The following TEX13B variants were observed in gnomAD, a reference collection of about 807,000 sequenced individuals.
The protein encoded by TEX13B is testis expressed 13B.
In TEX13B, 5 loss-of-function variants were observed where a neutral mutation model predicts 11.2. The observed-to-expected ratio is 0.44, with a 90% CI of 0.23 to 0.93. TEX13B has a LOEUF of 0.93. Among genes scored for constraint, TEX13B ranks in the 40% least tolerant of loss-of-function variants. TEX13B has a pLI of 0.23. For synonymous variants in TEX13B, 115 were observed against 100.9 expected (o/e 1.14, Z -0.84); for missense variants, 213 against 244.2 (o/e 0.87, Z 0.85).
At chrX:107,981,599 C>T (rs1569476313) in intron 2 of TEX13B, 40 bp from the exon 3 acceptor site, 1 of 1,201,311 alleles carries the variant, frequency 8.3e-7, no homozygotes, top group Non-Finnish European at 1.1e-6. Context: ...ATTCTGGGGA[C>T]AGGGCAGGGG....
Position 107,981,342 on chromosome X carries a change from C to T in TEX13B, c.677G>A (p.Gly226Glu), listed in dbSNP as rs148750911. The change falls in exon 3 of 3, where the codon GGA becomes GAA. Residue 226 changes from glycine (G) to glutamate (E), a missense_variant. Physicochemically the swap from Gly to Glu is moderately conservative, Grantham distance 98. Transcript: ENST00000302917. ...GTGTAATTTGCCTGCTACAATAGCT[C>T]CGAGGGGCTGCCTGAAGCCTCCTCC... ...GLGGGFRQPL[G>E]AIVAGKLHLC... 45 of 1,210,197 alleles carry T rather than the reference C, an allele frequency of 3.7e-5. No homozygotes were observed. In the African/African-American group the frequency reaches 5.4e-4, roughly 15 times the overall value.
intron 1 of TEX13B, 62 bp downstream of exon 1, chrX:107,982,248 A>C: frequency 4.2e-6 from 3 of 706,755 alleles, no homozygotes; most frequent in Non-Finnish European, 5.9e-6. Context: ...CTCTGACAAG[A>C]CCCTCCTAAT....
rs1215277166 is a variant in TEX13B, at chrX:107,982,041, C to T, written c.87G>A (p.Thr29=). Reference sequence around the variant, plus strand: ...TCTCGAAGTAGAACTCGGGGCCTTTCGTGTGCCTGGCCATTTTCTCGATGA... The same window carrying T: ...TCTCGAAGTAGAACTCGGGGCCTTTTGTGTGCCTGGCCATTTTCTCGATGA... ...AFIIEKMARH[T]KGPEFYFENI... is the part of the protein sequence containing the mutation. Residue 29 remains threonine, a synonymous_variant, in exon 2 of 3, where the codon ACG becomes ACA. Coordinates refer to ENST00000302917, the MANE Select transcript of TEX13B (RefSeq NM_031273.2). 1.7e-6 allele frequency: 2 copies of T among 1,211,567 alleles called. No homozygotes were observed. The highest frequency in any genetic ancestry group is 3.5e-5 in the South Asian group (2 of 56,972).
rs762862289 is a variant in TEX13B, at chrX:107,981,310, C to T, written c.709G>A (p.Gly237Arg). 7.4e-6 allele frequency: 9 copies of T among 1,210,017 alleles called. No individual in the cohort carries two copies. The African/African-American group carries it at 1.4e-4, about 19-fold the overall frequency. The change falls in exon 3 of 3, where the codon GGG (glycine) becomes AGG (arginine). Residue 237 changes from glycine to arginine, a missense_variant. Gly to Arg is a moderately radical substitution (Grantham distance 125, BLOSUM62 -2). Transcript: ENST00000302917. ...ACCTGAGATCTTTCTCCCTCTGCCC[C>T]GCAAAGGTGTAATTTGCCTGCTACA... ...AIVAGKLHLCGAEGERSQVST... is the reference protein window; with the variant it reads ...AIVAGKLHLCRAEGERSQVST...
rs1037818515 is a variant in TEX13B at position 107,981,323 on chromosome X, T to C, written c.696A>G (p.Lys232=). The part of the protein sequence containing the change: ...RQPLGAIVAG[K]LHLCGAEGER... ...CTCCCTCTGCCCCGCAAAGGTGTAA[T>C]TTGCCTGCTACAATAGCTCCGAGGG... is the stretch of plus-strand genomic sequence containing the variant. The change falls in exon 3 of 3, where the codon AAA becomes AAG. Residue 232 remains lysine (K), a synonymous_variant. Coordinates refer to ENST00000302917, the MANE Select transcript of TEX13B (RefSeq NM_031273.2). 4.1e-6 allele frequency: 5 copies of C among 1,210,001 alleles called. No individual in the cohort carries two copies. Among genetic ancestry groups the C allele is most frequent in the African/African-American group, 3.5e-5 (2 of 57,065 alleles).
At chrX:107,982,241 T>C in intron 1 of TEX13B, 69 bp downstream of exon 1, 18 of 749,023 alleles carry the variant, frequency 2.4e-5, no homozygotes, top group Non-Finnish European at 3.4e-5. Flanking sequence ...CTCCCACCTC[T>C]GACAAGACCC....
rs753269787 is a variant in TEX13B, at chrX:107,981,552, G to A, written c.467C>T (p.Ala156Val). 3 of 1,210,858 alleles carry A rather than the reference G, an allele frequency of 2.5e-6. No homozygotes were observed. The highest frequency in any genetic ancestry group is 5.9e-5 in the East Asian group (2 of 33,841). ...LRWKLFHAEL[A>V]PPQGQGQATV... The stretch of plus-strand genomic sequence containing the variant: ...AGCCTGGCCCTGTCCCTGGGGAGGT[G>A]CCAGCTCCTGGAGAGAAGTAGGCAG... Residue 156 changes from alanine to valine, a missense_variant, in exon 3 of 3, where the codon GCA becomes GTA. By Grantham distance (64) the Ala-to-Val change is moderately conservative. Transcript: ENST00000302917.
Position 107,981,874 on chromosome X carries a change from A to G in TEX13B, c.254T>C (p.Leu85Ser). 1 of 1,208,916 alleles carries G rather than the reference A, an allele frequency of 8.3e-7. No individual in the cohort carries two copies. Among genetic ancestry groups the G allele is most frequent in the Non-Finnish European group, 1.1e-6 (1 of 893,292 alleles). Residue 85 changes from leucine (L) to serine (S), a missense_variant, in exon 2 of 3, where the codon TTA becomes TCA. By Grantham distance (145) the Leu-to-Ser change is moderately radical. Coordinates refer to ENST00000302917, the MANE Select transcript of TEX13B (RefSeq NM_031273.2). ...CAGCCACTGCACCCTGCGGTTTTGT[A>G]ACTGCCCCTGCCTGTGGGCAAAGCG... Reference protein sequence around the residue: ...GVRFAHRQGQLQNRRVQWLQG... With the variant: ...GVRFAHRQGQSQNRRVQWLQG...
At position 107,982,124 on chromosome X, in the gene TEX13B, C is replaced by T. The variant is rs754000945; in HGVS notation, c.4G>A (p.Ala2Thr). 3.1e-5 allele frequency: 37 copies of T among 1,192,132 alleles called. No individual in the cohort carries two copies. Among genetic ancestry groups the T allele is most frequent in the Non-Finnish European group, 4.2e-5 (37 of 884,618 alleles). The change falls in exon 2 of 3, where the codon GCC becomes ACC. Residue 2 changes from alanine (A) to threonine (T), a missense_variant. Ala to Thr is a moderately conservative substitution (Grantham distance 58). Transcript: ENST00000302917. ...CTACTGGGGTCCTCAGGTCTCAAGG[C>T]CATGATCGCCTAGGGGCTTAACGGT... MALRPEDPSSGF... is the reference protein window; with the variant it reads MTLRPEDPSSGF...
In TEX13B at chrX:107,981,500, G is replaced by A. The variant is rs1391019705; in HGVS notation, c.519C>T (p.Ala173=). 8 of 1,209,816 alleles carry A rather than the reference G, an allele frequency of 6.6e-6. No individual in the cohort carries two copies. The highest frequency in any genetic ancestry group is 3.0e-5 in the East Asian group (1 of 33,746). The change falls in exon 3 of 3, where the codon GCC becomes GCT. Residue 173 remains alanine (A), a synonymous_variant. Coordinates refer to ENST00000302917, the MANE Select transcript of TEX13B (RefSeq NM_031273.2). ...QATVFPGLAT[A]GGDWTEGAGE... The stretch of plus-strand genomic sequence containing the variant: ...CTGCTCCTTCTGTCCAATCCCCTCC[G>A]GCAGTGGCCAGGCCTGGAAACACTG...
At position 107,982,020 on chromosome X, in the gene TEX13B, G is replaced by A. The variant is rs1282180270; in HGVS notation, c.108C>T (p.Phe36=). ...ARHTKGPEFY[F]ENISLSWEEV... is the part of the protein sequence containing the mutation. ...CCTCCCAGGATAAGGATATATTCTCGAAGTAGAACTCGGGGCCTTTCGTGT... is the reference window on the plus strand; with the variant it reads ...CCTCCCAGGATAAGGATATATTCTCAAAGTAGAACTCGGGGCCTTTCGTGT... The change falls in exon 2 of 3, where the codon TTC becomes TTT. Residue 36 remains phenylalanine, a synonymous_variant. Transcript: ENST00000302917. The A allele has an allele frequency of 1.6e-5, 19 of 1,210,136 alleles. No homozygotes were observed. Among genetic ancestry groups the A allele is most frequent in the Non-Finnish European group, 2.1e-5 (19 of 895,085 alleles).
rs1180503214 is a variant in TEX13B, at chrX:107,981,957, G to A, written c.171C>T (p.Ser57=). ...CCTCTTTGACCTCGCTGGGCACCTCGCTGTCCTCCAGGATGGCCCTGAGCT... is the reference window on the plus strand; with the variant it reads ...CCTCTTTGACCTCGCTGGGCACCTCACTGTCCTCCAGGATGGCCCTGAGCT... ...EDKLRAILED[S]EVPSEVKEAC... The change falls in exon 2 of 3, where the codon AGC becomes AGT. Residue 57 remains serine, a synonymous_variant. Transcript: ENST00000302917. The A allele has an allele frequency of 5.8e-6, 7 of 1,210,123 alleles. No individual in the cohort carries two copies. The highest frequency in any genetic ancestry group is 7.8e-6 in the Non-Finnish European group (7 of 895,069).
rs1398050542 is a variant in TEX13B at position 107,981,914 on chromosome X, G to A, written c.214C>T (p.Leu72=). The A allele has an allele frequency of 8.3e-7, 1 of 1,208,391 alleles. No individual in the cohort carries two copies. ...EVKEACTWGS[L]ALGVRFAHRQ... ...TGGGCAAAGCGCACACCCAAGGCCA[G>A]GCTGCCCCAGGTGCAGGCCTCTTTG... Residue 72 remains leucine, a synonymous_variant, in exon 2 of 3, where the codon CTG becomes TTG. Transcript: ENST00000302917.
At position 107,981,456 on chromosome X, in the gene TEX13B, G is replaced by T. The variant is rs201061454; in HGVS notation, c.563C>A (p.Ala188Glu). Residue 188 changes from alanine to glutamate, a missense_variant, in exon 3 of 3, where the codon GCG (alanine) becomes GAG (glutamate). By Grantham distance (107) the Ala-to-Glu change is moderately radical (BLOSUM62 -1). Transcript: ENST00000302917. Reference sequence around the variant, plus strand: ...TCCAGCAGCACCAGCAGCAGCCACCGCCTCCTTTTCCTGCTCACCTGCTCC... The same window carrying T: ...TCCAGCAGCACCAGCAGCAGCCACCTCCTCCTTTTCCTGCTCACCTGCTCC... ...TEGAGEQEKE[A>E]VAAAGAAGGK... 8.3e-7 allele frequency: 1 copy of T among 1,211,631 alleles called. No homozygotes were observed. The highest frequency in any genetic ancestry group is 1.1e-6 in the Non-Finnish European group (1 of 895,492).
rs1933752676 is a variant in TEX13B at position 107,980,880 on chromosome X, G to T, written c.*200C>A. 6.2e-6 allele frequency: 3 copies of T among 482,725 alleles called. No homozygotes were observed. In the Admixed American group the frequency reaches 9.5e-5, roughly 15 times the overall value. 39.8% of individuals were successfully genotyped at this position (482,725 alleles called of 1,213,427 possible). ...CATTTCTGAATTTACTGAGGCTTTTGCAGCCAGATTCGCCTCCCACAGAGG... is the reference window on the plus strand; with the variant it reads ...CATTTCTGAATTTACTGAGGCTTTTTCAGCCAGATTCGCCTCCCACAGAGG... On this transcript the variant is annotated 3_prime_UTR_variant, in exon 3 of 3. Transcript: ENST00000302917.
At position 107,981,850 on chromosome X, in the gene TEX13B, AGCCACT is replaced by A; in HGVS notation, c.272_277del (p.Gln91_Trp92del). ...TCTGTGCAGTTTGGCAAAGCCTTGC[AGCCACT>A]GCACCCTGCGGTTTTGTAACTGCCC... On this transcript the variant is annotated inframe_deletion, in exon 2 of 3. Coordinates refer to ENST00000302917, the MANE Select transcript of TEX13B (RefSeq NM_031273.2). 1 of 1,210,131 alleles carries A rather than the reference AGCCACT, an allele frequency of 8.3e-7. No homozygotes were observed. Among genetic ancestry groups the A allele is most frequent in the Non-Finnish European group, 1.1e-6 (1 of 894,164 alleles).
Position 107,982,309 on chromosome X carries a change from C to T in TEX13B, c.-33+1G>A. 2.3e-6 allele frequency: 1 copy of T among 432,589 alleles called. No individual in the cohort carries two copies. The highest frequency in any genetic ancestry group is 3.7e-5 in the East Asian group (1 of 26,865). 35.7% of individuals were successfully genotyped at this position (432,589 alleles called of 1,213,427 possible). A position where few individuals can be genotyped will look rare whatever the true frequency, so the allele number is the denominator to read the frequency against. On this transcript the variant is annotated splice_donor_variant, in intron 1 of 2. Transcript: ENST00000302917. LOFTEE classifies it low-confidence loss of function (5UTR_SPLICE). The stretch of plus-strand genomic sequence containing the variant: ...CTAGGACATCTCCCACCAGGCCTCA[C>T]CTCTTCAGCCAGGGCCAGAGGAAGT...
chrX:107,981,220 A>T lies in TEX13B; in HGVS notation c.799T>A (p.Cys267Ser). The change falls in exon 3 of 3, where the codon TGT (cysteine) becomes AGT (serine). Residue 267 changes from cysteine (C) to serine (S), a missense_variant. Cys to Ser is a moderately radical substitution (Grantham distance 112). Transcript: ENST00000302917. ...WVHSLTGASSCPAPYLIHILI... is the reference protein window; with the variant it reads ...WVHSLTGASSSPAPYLIHILI... ...ATGTGAATGAGGTAGGGAGCTGGAC[A>T]GGAAGAGGCTCCAGTGAGACTGTGG... 2 of 1,212,063 alleles carry T rather than the reference A, an allele frequency of 1.7e-6. No homozygotes were observed. Among genetic ancestry groups the T allele is most frequent in the Non-Finnish European group, 2.2e-6 (2 of 895,582 alleles).
rs185494316 is a variant in TEX13B, at chrX:107,980,892, G to A, written c.*188C>T. 2.2e-5 allele frequency: 12 copies of A among 553,666 alleles called. No individual in the cohort carries two copies. Among genetic ancestry groups the A allele is most frequent in the African/African-American group, 1.4e-4 (6 of 41,982 alleles). 45.6% of individuals were successfully genotyped at this position (553,666 alleles called of 1,213,427 possible). A position where few individuals can be genotyped will look rare whatever the true frequency, so the allele number is the denominator to read the frequency against. ...TACTGAGGCTTTTGCAGCCAGATTCGCCTCCCACAGAGGAAGCAATTTTCC... is the reference window on the plus strand; with the variant it reads ...TACTGAGGCTTTTGCAGCCAGATTCACCTCCCACAGAGGAAGCAATTTTCC... On this transcript the variant is annotated 3_prime_UTR_variant, in exon 3 of 3. Coordinates refer to ENST00000302917, the MANE Select transcript of TEX13B (RefSeq NM_031273.2).
Sources: allele counts gnomAD v4.1 joint callset, GRCh38; gene constraint gnomAD v4.1.1; transcripts MANE v1.5; gene names NCBI Gene and HGNC (gene_info 2026-07-23, HGNC 2026-07-21).